Variants in GRIN2B observed in about 807,000 individuals in gnomAD.
GRIN2B encodes the protein glutamate ionotropic receptor NMDA type subunit 2B, also known as glutamate receptor ionotropic, NMDA 2B.
Under a neutral mutation model 114.5 loss-of-function variants are expected in GRIN2B, and 5 were observed. That is an observed-to-expected ratio of 0.04 (90% CI 0.02 to 0.09). The LOEUF (loss-of-function observed/expected upper bound fraction) is 0.09. Among genes scored for constraint, GRIN2B ranks in the 10% least tolerant of loss-of-function variants. GRIN2B has a pLI of 1.00. For missense variants in GRIN2B, 1,108 were observed against 1,943.5 expected (o/e 0.57, Z 8.08); for synonymous variants, 787 against 745.1 (o/e 1.06, Z -0.92).
chr12:13,856,275 C>A (rs971580443), intron 3 of GRIN2B, among the ~76,000 whole-genome samples: 2 of 152,096 alleles, frequency 1.3e-5, no homozygotes, highest in Non-Finnish European at 2.9e-5. Flanking sequence ...TGCTCAAGGG[C>A]AGGGAGGTTA....
chr12:13,562,605 T>G lies in GRIN2B; in HGVS notation c.*178A>C. ...GAACTGTGAAAAGGAGGAGAGATGG[T>G]GCTGGTCACCAGGGTTGCCCCCAGT... On this transcript the variant is annotated 3_prime_UTR_variant, in exon 14 of 14. Coordinates refer to ENST00000609686, the MANE Select transcript of GRIN2B (RefSeq NM_000834.5). 1.6e-6 allele frequency: 1 copy of G among 629,760 alleles called. No individual in the cohort carries two copies. The highest frequency in any genetic ancestry group is 2.8e-6 in the Non-Finnish European group (1 of 352,552). 39.0% of individuals were successfully genotyped at this position (629,760 alleles called of 1,614,324 possible). A position where few individuals can be genotyped will look rare whatever the true frequency, so the allele number is the denominator to read the frequency against.
rs1197135893 is a variant in GRIN2B at position 13,539,695 on chromosome 12, T to G, written c.*23088A>C. 6.6e-6 allele frequency: 1 copy of G among 152,196 alleles called. No homozygotes were observed. Among genetic ancestry groups the G allele is most frequent in the Non-Finnish European group, 1.5e-5 (1 of 68,036 alleles). The allele number at this position is 152,196 out of a possible 1,614,324, so 9.4% of individuals were successfully genotyped here. On this transcript the variant is annotated 3_prime_UTR_variant, in exon 14 of 14. Coordinates refer to ENST00000609686, the MANE Select transcript of GRIN2B (RefSeq NM_000834.5). The stretch of plus-strand genomic sequence containing the variant: ...CCAGCAAAATCCAACTGTGGGAACC[T>G]CTAAAGGATAAAGTGCTCTATTCCT...
chr12:13,806,868 G>A (rs1864609461), intron 3 of GRIN2B, among the ~76,000 whole-genome samples: 1 of 151,896 alleles, frequency 6.6e-6, no homozygotes, highest in Non-Finnish European at 1.5e-5. Context: ...TTATGTTTAA[G>A]TCTTTAATCC....
At chr12:13,915,116 G>A (rs754535696) in intron 2 of GRIN2B, among the ~76,000 whole-genome samples, 9 of 152,022 alleles carry the variant, frequency 5.9e-5, no homozygotes, top group East Asian at 3.8e-4. Flanking sequence ...CCACTTACTC[G>A]GATTTTATCT....
intron 5 of GRIN2B, among the ~76,000 whole-genome samples, chr12:13,657,473 G>A (rs1331450919): frequency 1.3e-5 from 2 of 152,204 alleles, no homozygotes; most frequent in Non-Finnish European, 2.9e-5. Context: ...AAGGAGCAGA[G>A]TTCATGTTAG....
intron 3 of GRIN2B, among the ~76,000 whole-genome samples, chr12:13,847,760 G>A (rs958778317): frequency 1.3e-5 from 2 of 152,252 alleles, no homozygotes; most frequent in East Asian, 3.9e-4. Context: ...AAAGAAGGAT[G>A]CATGCACAGG....
intron 5 of GRIN2B, among the ~76,000 whole-genome samples, chr12:13,657,446 G>A (rs955396726): frequency 6.6e-6 from 1 of 152,154 alleles, no homozygotes; most frequent in Non-Finnish European, 1.5e-5. Flanking sequence ...TCCCAGGAGG[G>A]CAGTGCTTGC....
intron 3 of GRIN2B, among the ~76,000 whole-genome samples, chr12:13,795,664 A>T (rs1864407265): frequency 6.6e-6 from 1 of 152,232 alleles, no homozygotes; most frequent in South Asian, 2.1e-4. Flanking sequence ...TCACAATAGC[A>T]AAGACTTGGA....
At chr12:13,590,765 G>A (rs1186100617) in intron 10 of GRIN2B, among the ~76,000 whole-genome samples, 1 of 152,102 alleles carries the variant, frequency 6.6e-6, no homozygotes, top group Non-Finnish European at 1.5e-5. Flanking sequence ...CATATACCCG[G>A]CAATGGAATT....
At chr12:13,674,995 T>C in intron 5 of GRIN2B, among the ~76,000 whole-genome samples, 1 of 152,150 alleles carries the variant, frequency 6.6e-6, no homozygotes, top group East Asian at 1.9e-4. Context: ...GAAAAATCAG[T>C]GATGACATTA....
chr12:13,545,386 G>A lies in GRIN2B; in HGVS notation c.*17397C>T, dbSNP rs1018512958. On this transcript the variant is annotated 3_prime_UTR_variant, in exon 14 of 14. Transcript: ENST00000609686. ...CAACATACAAACTTCAAGAGGGTATGGACTTTGTGTGGTTCGTTCTTATAT... is the reference window on the plus strand; with the variant it reads ...CAACATACAAACTTCAAGAGGGTATAGACTTTGTGTGGTTCGTTCTTATAT... The A allele has an allele frequency of 4.6e-5, 7 of 152,116 alleles. No homozygotes were observed. Among genetic ancestry groups the A allele is most frequent in the Non-Finnish European group, 1.0e-4 (7 of 68,028 alleles). The allele number at this position is 152,116 out of a possible 1,614,324, so 9.4% of individuals were successfully genotyped here.
At chr12:13,879,851 A>G (rs1169009013) in intron 2 of GRIN2B, among the ~76,000 whole-genome samples, 3 of 152,234 alleles carry the variant, frequency 2.0e-5, no homozygotes, top group Non-Finnish European at 4.4e-5. Context: ...CCAAAATCAG[A>G]TAAAGGGAGT....
intron 2 of GRIN2B, among the ~76,000 whole-genome samples, chr12:13,906,355 T>G (rs1866534207): frequency 6.6e-6 from 1 of 152,204 alleles, no homozygotes; most frequent in Non-Finnish European, 1.5e-5. Flanking sequence ...CACTGAGCAC[T>G]AAAGGGCAAT....
Position 13,676,373 on chromosome 12 carries a change from T to A in GRIN2B, c.1011-514A>T, listed in dbSNP as rs545193475. Among the ~76,000 whole-genome samples, 6 of 151,978 alleles carry A rather than the reference T, an allele frequency of 3.9e-5. No individual in the cohort carries two copies. The East Asian group carries it at 1.2e-3, about 29-fold the overall frequency. ...TTAAAAATAAAAATTTTTAAAAAGG[T>A]GTTTGGTTTAAGTTCAGCCTAGAGG... is the stretch of plus-strand genomic sequence containing the variant. On this transcript the variant is annotated intron_variant, in intron 4 of 13. Transcript: ENST00000609686.
chr12:13,581,087 T>C (rs1352025206), intron 10 of GRIN2B, among the ~76,000 whole-genome samples: 1 of 152,206 alleles, frequency 6.6e-6, no homozygotes, highest in East Asian at 1.9e-4. Context: ...TGAGTTACTT[T>C]CAGATAATTA....
chr12:13,618,234 G>A (rs1949469824), intron 5 of GRIN2B, among the ~76,000 whole-genome samples: 2 of 152,176 alleles, frequency 1.3e-5, no homozygotes, highest in Admixed American at 1.3e-4. Flanking sequence ...GTTTGGCCAG[G>A]TAGGAATTGG....
chr12:13,774,767 C>T (rs1451934669), intron 3 of GRIN2B, among the ~76,000 whole-genome samples: 1 of 151,986 alleles, frequency 6.6e-6, no homozygotes, highest in African/African-American at 2.4e-5. Flanking sequence ...TATAAAAGGC[C>T]CTTTCCTAGG....
chr12:13,979,981 T>G lies in GRIN2B; in HGVS notation c.-72A>C, dbSNP rs1044320738. The G allele has an allele frequency of 1.3e-5, 2 of 152,168 alleles. No homozygotes were observed. Among genetic ancestry groups the G allele is most frequent in the Non-Finnish European group, 2.9e-5 (2 of 68,022 alleles). 9.4% of individuals were successfully genotyped at this position (152,168 alleles called of 1,614,324 possible). A position where few individuals can be genotyped will look rare whatever the true frequency, so the allele number is the denominator to read the frequency against. On this transcript the variant is annotated 5_prime_UTR_variant, in exon 2 of 14. Transcript: ENST00000609686. Reference sequence around the variant, plus strand: ...CGGACAGATTAAGGGAGTGAGCATGTTGGGAATGTCCAGTCCCTTCTTCTC... The same window carrying G: ...CGGACAGATTAAGGGAGTGAGCATGGTGGGAATGTCCAGTCCCTTCTTCTC...
chr12:13,977,690 A>G (rs1863050392), intron 2 of GRIN2B, among the ~76,000 whole-genome samples: 1 of 152,050 alleles, frequency 6.6e-6, no homozygotes, highest in South Asian at 2.1e-4. Context: ...GGCGAGAACA[A>G]AGGCCCTGAG....
Sources: allele counts gnomAD v4.1 joint callset (sites outside exome capture counted in the v4.1 genomes callset), GRCh38; gene constraint gnomAD v4.1.1; transcripts MANE v1.5; gene names NCBI Gene and HGNC (gene_info 2026-07-23, HGNC 2026-07-21).